The following ASB15 variants were observed in gnomAD, a reference collection of about 807,000 sequenced individuals.
ASB15 encodes ankyrin repeat and SOCS box containing 15, also known as ankyrin repeat and SOCS box protein 15.
ASB15 carries 54 observed loss-of-function variants against 58.0 expected under a neutral mutation model. That is an observed-to-expected ratio of 0.93 (90% CI 0.75 to 1.17). ASB15 has a LOEUF of 1.17. ASB15 is among the 50% of genes most tolerant of loss of function. ASB15 has a pLI of 0.00. For missense variants in ASB15, 680 were observed against 707.4 expected, an observed-to-expected ratio of 0.96 and a Z score of 0.44; for synonymous variants, 249 against 262.4, an observed-to-expected ratio of 0.95 and a Z score of 0.50.
chr7:123,593,559 G>C (rs1034413188), intron 1 of ASB15, among the ~76,000 whole-genome samples: 1 of 152,118 alleles, frequency 6.6e-6, no homozygotes, highest in African/African-American at 2.4e-5. Flanking sequence ...TGAAATTCTG[G>C]GTTGAAAATT....
At chr7:123,614,288 G>C (rs1800652700) in intron 3 of ASB15, 1 of 448,494 alleles carries the variant, frequency 2.2e-6, no homozygotes, top group Admixed American at 4.4e-5. Flanking sequence ...CAAAGGGCAG[G>C]TCATTAAAGG....
chr7:123,578,824 T>A (rs1460605861), intron 1 of ASB15, among the ~76,000 whole-genome samples: 3 of 152,158 alleles, frequency 2.0e-5, no homozygotes, highest in African/African-American at 4.8e-5. Context: ...TTTCCCCTAT[T>A]TTTGTCAATC....
chr7:123,625,127 G>A (rs538362720), intron 8 of ASB15, among the ~76,000 whole-genome samples: 1 of 152,272 alleles, frequency 6.6e-6, no homozygotes, highest in East Asian at 1.9e-4. Flanking sequence ...AATTCCTCCT[G>A]TTTTTCTACT....
intron 1 of ASB15, among the ~76,000 whole-genome samples, chr7:123,578,243 G>GT (rs1206833829): frequency 6.7e-6 from 1 of 149,222 alleles, no homozygotes; most frequent in Non-Finnish European, 1.5e-5. Context: ...CTGATATTTT[G>GT]TATCAGTTGG....
intron 7 of ASB15, among the ~76,000 whole-genome samples, chr7:123,623,906 GGA>G: frequency 7.9e-5 from 1 of 12,632 alleles, no homozygotes; most frequent in Non-Finnish European, 1.3e-4. Flanking sequence ...AAGAATGGAA[GGA>G]AGGAAGGAAG....
At chr7:123,568,032 G>C (rs1798806577) in intron 1 of ASB15, among the ~76,000 whole-genome samples, 1 of 151,896 alleles carries the variant, frequency 6.6e-6, no homozygotes, top group African/African-American at 2.4e-5. Context: ...CAGATATGTT[G>C]ATTTTCAGAA....
At chr7:123,610,418 A>AG (rs1800374897) in intron 3 of ASB15, among the ~76,000 whole-genome samples, 1 of 152,244 alleles carries the variant, frequency 6.6e-6, no homozygotes, top group Non-Finnish European at 1.5e-5. Context: ...GTATCAAAAA[A>AG]TTTACATGAT....
intron 11 of ASB15, among the ~76,000 whole-genome samples, chr7:123,633,931 A>G (rs1802274469): frequency 6.6e-6 from 1 of 152,244 alleles, no homozygotes. Context: ...AAGAGGCTCC[A>G]ACTGGCCAAA....
chr7:123,599,980 G>A (rs557817674), upstream of ASB15, among the ~76,000 whole-genome samples: 2 of 152,082 alleles, frequency 1.3e-5, no homozygotes, highest in Non-Finnish European at 1.5e-5. Flanking sequence ...CTTTCATAGA[G>A]GCAAATGTGG....
intron 1 of ASB15, among the ~76,000 whole-genome samples, chr7:123,594,383 C>T (rs1324576962): frequency 6.6e-6 from 1 of 152,110 alleles, no homozygotes; most frequent in Non-Finnish European, 1.5e-5. Context: ...AATTTTCAGC[C>T]TTTCTGCTCT....
intron 11 of ASB15, among the ~76,000 whole-genome samples, chr7:123,635,496 G>A (rs1802371978): frequency 1.4e-5 from 2 of 146,882 alleles, no homozygotes; most frequent in African/African-American, 5.0e-5. Flanking sequence ...ACCCTTGTTT[G>A]TCTTACTTGA....
At chr7:123,581,414 TAAA>T (rs10642389) in intron 1 of ASB15, among the ~76,000 whole-genome samples, 7 of 124,422 alleles carry the variant, frequency 5.6e-5, no homozygotes, top group Admixed American at 2.5e-4. Flanking sequence ...AGTGAGCACT[TAAA>T]AAAAAAAAAA....
intron 3 of ASB15, among the ~76,000 whole-genome samples, chr7:123,610,475 G>C (rs1406328760): frequency 1.3e-5 from 2 of 152,128 alleles, no homozygotes; most frequent in Non-Finnish European, 2.9e-5. Flanking sequence ...ATTTAACATA[G>C]CCTATCTGTA....
intron 1 of ASB15, among the ~76,000 whole-genome samples, chr7:123,585,825 C>T (rs1231454140): frequency 1.3e-5 from 2 of 151,738 alleles, no homozygotes; most frequent in African/African-American, 4.8e-5. Context: ...AGATATCATG[C>T]AGTATTTGTC....
chr7:123,580,288 C>A (rs552668449), intron 1 of ASB15, among the ~76,000 whole-genome samples: 31 of 152,088 alleles, frequency 2.0e-4, no homozygotes, highest in Admixed American at 1.4e-3. Flanking sequence ...CATGGCAGGC[C>A]GTTCTCTGTT....
chr7:123,613,655 G>A (rs559394602), intron 3 of ASB15, among the ~76,000 whole-genome samples: 29 of 152,082 alleles, frequency 1.9e-4, no homozygotes, highest in African/African-American at 5.3e-4. Flanking sequence ...GCTGGTTTCC[G>A]GTCTATGGAT....
At chr7:123,616,158 G>A in intron 4 of ASB15, 63 bp from the exon 5 acceptor site, 1 of 1,306,726 alleles carries the variant, frequency 7.7e-7, no homozygotes. Context: ...AAATTAAAAT[G>A]TTTGGTTCCT....
At chr7:123,631,731 G>A (rs902560540) in intron 11 of ASB15, among the ~76,000 whole-genome samples, 5 of 152,144 alleles carry the variant, frequency 3.3e-5, no homozygotes, top group Admixed American at 3.3e-4. Flanking sequence ...AGTTAGAAGA[G>A]CTATCTGGAA....
chr7:123,634,211 C>A (rs139235756), intron 11 of ASB15, among the ~76,000 whole-genome samples: 9 of 152,064 alleles, frequency 5.9e-5, no homozygotes, highest in African/African-American at 1.9e-4. Flanking sequence ...GCCACCCCCC[C>A]GACAGGCCCC....
Sources: gnomAD v4.1 joint callset for allele counts (sites outside exome capture counted in the v4.1 genomes callset) on GRCh38, gnomAD v4.1.1 for gene constraint, MANE v1.5 for transcripts, NCBI Gene and HGNC (gene_info 2026-07-23, HGNC 2026-07-21) for gene names.